ZXDC: variants seen among roughly 807,000 people sequenced by gnomAD.
ZXDC encodes the protein ZXD family zinc finger C, also known as zinc finger protein ZXDC.
ZXDC carries 58 observed loss-of-function variants against 63.6 expected under a neutral mutation model. That is an observed-to-expected ratio of 0.91 (90% CI 0.74 to 1.13). The LOEUF (loss-of-function observed/expected upper bound fraction) is 1.13. Ranked by LOEUF, ZXDC falls within the 50% of genes most tolerant of loss-of-function variation. ZXDC has a pLI of 0.00. For missense variants in ZXDC, 1,133 were observed against 1,148.9 expected (o/e 0.99, Z 0.20); for synonymous variants, 561 against 496.1 (o/e 1.13, Z -1.74).
At chr3:126,454,853 T>C (rs960293965) in intron 7 of ZXDC, 9 of 985,330 alleles carry the variant, frequency 9.1e-6, no homozygotes, top group Non-Finnish European at 1.1e-5. Context: ...TCTTGTTTTA[T>C]TCTAAGGGGA....
At chr3:126,451,158 A>G (rs1344099817) in intron 7 of ZXDC, 1 of 985,348 alleles carries the variant, frequency 1.0e-6, no homozygotes, top group Non-Finnish European at 1.2e-6. Context: ...TTAATTACAC[A>G]AAGTATTTTC....
chr3:126,461,397 T>C, intron 6 of ZXDC, 138 bp downstream of exon 6: 1 of 1,429,932 alleles, frequency 7.0e-7, no homozygotes, highest in East Asian at 2.5e-5. Flanking sequence ...AACTTGTCAG[T>C]TCCAGACTTG....
At chr3:126,469,338 T>C (rs1934891406) in intron 4 of ZXDC, among the ~76,000 whole-genome samples, 1 of 152,164 alleles carries the variant, frequency 6.6e-6, no homozygotes, top group Non-Finnish European at 1.5e-5. Flanking sequence ...GCACATCCCC[T>C]GCCCTCTGCG....
chr3:126,453,331 CTTAAGGA>C (rs1934183854), intron 7 of ZXDC: 1 of 985,268 alleles, frequency 1.0e-6, no homozygotes, highest in African/African-American at 1.7e-5. Context: ...GCCATATCCC[CTTAAGGA>C]TATGTTTTCT....
intron 7 of ZXDC, chr3:126,453,864 C>T: frequency 1.0e-6 from 1 of 985,132 alleles, no homozygotes; most frequent in African/African-American, 1.7e-5. Context: ...CGCGCCCAGC[C>T]TCGCTTTTAT....
chr3:126,461,105 T>C (rs926492752), intron 6 of ZXDC: 124 of 986,756 alleles, frequency 1.3e-4, no homozygotes, highest in Non-Finnish European at 1.4e-4. Flanking sequence ...TTGTTAATTC[T>C]AATTTTAAAA....
rs1935014720 is a variant in ZXDC, at chr3:126,472,398, T to G, written c.908-93A>C. 6 of 1,451,174 alleles carry G rather than the reference T, an allele frequency of 4.1e-6. No individual in the cohort carries two copies. In the Admixed American group the frequency reaches 1.0e-4, roughly 25 times the overall value. 89.9% of individuals were successfully genotyped at this position (1,451,174 alleles called of 1,614,324 possible). On this transcript the variant is annotated intron_variant, in intron 1 of 9. Transcript: ENST00000389709. ...CACACCCACCAGACCCTGTTCACAC[T>G]GAAGCAGACAAGGGAAAACATGACT...
Position 126,437,920 on chromosome 3 carries a change from C to T in ZXDC, c.*455G>A, listed in dbSNP as rs990051075. 2 of 168,142 alleles carry T rather than the reference C, an allele frequency of 1.2e-5. No homozygotes were observed. The highest frequency in any genetic ancestry group is 2.6e-5 in the Non-Finnish European group (2 of 77,236). 10.4% of individuals were successfully genotyped at this position (168,142 alleles called of 1,614,324 possible). ...CTACAGTGTGGCAAAATCAACTTGC[C>T]CACAAACCCCATCCCAGGTGCTGGG... On this transcript the variant is annotated 3_prime_UTR_variant, in exon 10 of 10. Transcript: ENST00000389709.
chr3:126,450,373 G>A (rs764246168), intron 7 of ZXDC: 15 of 456,574 alleles, frequency 3.3e-5, no homozygotes, highest in South Asian at 1.4e-4. Context: ...TTTCCTCCCC[G>A]GCTTAGAGAT....
chr3:126,441,660 G>C, intron 8 of ZXDC, 105 bp downstream of exon 8: 1 of 1,437,142 alleles, frequency 7.0e-7, no homozygotes, highest in Non-Finnish European at 9.1e-7. Context: ...AGGCAGGCAG[G>C]GGGTGCTGCG....
chr3:126,439,514 G>A (rs764152442), intron 9 of ZXDC, 118 bp downstream of exon 9: 7 of 1,525,172 alleles, frequency 4.6e-6, no homozygotes, highest in East Asian at 2.5e-5. Flanking sequence ...CCAACCCACT[G>A]AGCCTCCCAA....
intron 7 of ZXDC, chr3:126,453,582 T>C (rs556245385): frequency 1.3e-5 from 13 of 985,480 alleles, no homozygotes; most frequent in East Asian, 2.3e-4. Context: ...CGTGCTTCTA[T>C]TACCATTTCA....
rs573794521 is a variant in ZXDC at position 126,468,230 on chromosome 3, A to G, written c.1271-1905T>C. ...ACACGAGACACAGGCCCCAGCACAC[A>G]TAGCCCCGAGGCCGCAACGAGGCCA... On this transcript the variant is annotated intron_variant, in intron 4 of 9. Coordinates refer to ENST00000389709, the MANE Select transcript of ZXDC (RefSeq NM_025112.5). Among the ~76,000 whole-genome samples, 4 of 152,148 alleles carry G rather than the reference A, an allele frequency of 2.6e-5. No individual in the cohort carries two copies. The East Asian group carries it at 7.8e-4, about 30-fold the overall frequency.
chr3:126,466,072 T>G (rs1576685898), intron 5 of ZXDC, 83 bp downstream of exon 5: 1 of 1,488,426 alleles, frequency 6.7e-7, no homozygotes, highest in Non-Finnish European at 9.1e-7. Flanking sequence ...TTCCAAGAGG[T>G]GAAGAAGGAA....
At chr3:126,444,430 G>C (rs992342820) in intron 7 of ZXDC, among the ~76,000 whole-genome samples, 17 of 152,026 alleles carry the variant, frequency 1.1e-4, no homozygotes, top group African/African-American at 4.1e-4. Context: ...TACTCGGGAG[G>C]CTGAGGCAGG....
rs1465823966 is a variant in ZXDC, at chr3:126,454,612, G to C, written c.2212+5041C>G. ...TCAATCTTCGTCTCTTGAAAGGAGA[G>C]GTGCCCTCATTACACTTCACTGTGA... On this transcript the variant is annotated intron_variant, in intron 7 of 9. Transcript: ENST00000389709. The C allele has an allele frequency of 4.1e-6, 4 of 985,252 alleles. No individual in the cohort carries two copies. In the African/African-American group the frequency reaches 7.0e-5, roughly 17 times the overall value. 61.0% of individuals were successfully genotyped at this position (985,252 alleles called of 1,614,324 possible).
At chr3:126,466,868 C>T (rs1934790098) in intron 4 of ZXDC, among the ~76,000 whole-genome samples, 2 of 152,116 alleles carry the variant, frequency 1.3e-5, no homozygotes, top group African/African-American at 4.8e-5. Context: ...TCCCAGTCCA[C>T]TTATGTCTCT....
At position 126,439,722 on chromosome 3, in the gene ZXDC, G is replaced by A. The variant is rs1009918943; in HGVS notation, c.2400C>T (p.Asp800=). The A allele has an allele frequency of 1.9e-6, 3 of 1,550,888 alleles. No individual in the cohort carries two copies. Among genetic ancestry groups the A allele is most frequent in the East Asian group, 2.4e-5 (1 of 41,002 alleles). ...AGGGCAGGACACCTTCGCCGGAGGG[G>A]TCATCCTGGGAAGGCAACACAGAAA... ...QGVQVQLVQD[D]PSGEGVLPSA... is the part of the protein sequence containing the mutation. The change falls in exon 9 of 10, where the codon GAC becomes GAT. Residue 800 remains aspartate (D), a synonymous_variant. Coordinates refer to ENST00000389709, the MANE Select transcript of ZXDC (RefSeq NM_025112.5).
chr3:126,460,649 G>T, intron 6 of ZXDC: 1 of 985,048 alleles, frequency 1.0e-6, no homozygotes, highest in Non-Finnish European at 1.2e-6. Context: ...TACTATGGCC[G>T]CCTAAGCAAA....
Sources: gnomAD v4.1 joint callset for allele counts (sites outside exome capture counted in the v4.1 genomes callset) on GRCh38, gnomAD v4.1.1 for gene constraint, MANE v1.5 for transcripts, NCBI Gene and HGNC (gene_info 2026-07-23, HGNC 2026-07-21) for gene names.